RUNX3: variants seen among roughly 807,000 people sequenced by gnomAD.
RUNX3 encodes RUNX family transcription factor 3, also known as runt-related transcription factor 3.
Under a neutral mutation model 27.7 loss-of-function variants are expected in RUNX3, and 10 were observed. The ratio of observed to expected loss-of-function variants is 0.36; its 90% CI spans 0.22 to 0.61. The LOEUF is 0.61. Ranked by LOEUF, RUNX3 falls within the 20% of genes least tolerant of loss-of-function variation. The probability of loss-of-function intolerance (pLI) is 0.72; values close to 1 mark genes in which losing one functional copy is unlikely to be tolerated. For missense variants in RUNX3, 469 were observed against 629.5 expected (o/e 0.75, Z 2.73); for synonymous variants, 270 against 269.2 (o/e 1.00, Z -0.03).
At chr1:24,938,195 A>G (rs1302281813) in intron 2 of RUNX3, among the ~76,000 whole-genome samples, 1 of 152,190 alleles carries the variant, frequency 6.6e-6, no homozygotes, top group Non-Finnish European at 1.5e-5. Context: ...TTGCTGGGTA[A>G]CCTTGAGCAA....
Position 24,929,809 on chromosome 1 carries a change from G to A in RUNX3, c.60C>T (p.Phe20=). The change falls in exon 1 of 5, where the codon TTC becomes TTT. Residue 20 remains phenylalanine, a synonymous_variant. Coordinates refer to ENST00000308873, the MANE Select transcript of RUNX3 (RefSeq NM_004350.3). ...SRRFTPPSPA[F]PCGGGGGKMG... ...TCTTGCCGCCGCCGCCGCCGCAGGG[G>A]AAGGCCGGGGAGGGAGGTGTGAAGC... The A allele has an allele frequency of 3.5e-6, 5 of 1,416,456 alleles. 1 individual carries two copies. In the South Asian group the frequency reaches 4.5e-5, roughly 13 times the overall value. 87.7% of individuals were successfully genotyped at this position (1,416,456 alleles called of 1,614,324 possible).
Position 24,919,253 on chromosome 1 carries a change from G to T in RUNX3, c.531C>A (p.Pro177=). The T allele has an allele frequency of 6.3e-7, 1 of 1,596,606 alleles. No individual in the cohort carries two copies. Among genetic ancestry groups the T allele is most frequent in the South Asian group, 1.1e-5 (1 of 90,088 alleles). Residue 177 remains proline, a synonymous_variant, in exon 3 of 5, where the codon CCC becomes CCA. Transcript: ENST00000308873. ...GGTGGCACTTACGTCTGGGCTCCCG[G>T]GGTCCGTCCACGGTCACCTTGATGG... ...HRAIKVTVDG[P]REPRRHRQKL...
intron 2 of RUNX3, among the ~76,000 whole-genome samples, chr1:24,964,325 C>T (rs1642197771): frequency 6.6e-6 from 1 of 152,210 alleles, no homozygotes; most frequent in East Asian, 1.9e-4. Flanking sequence ...ATGAAAGTGC[C>T]ACAGCGATGT....
chr1:24,930,792 C>T (rs1284047338), upstream of RUNX3, among the ~76,000 whole-genome samples: 1 of 152,232 alleles, frequency 6.6e-6, no homozygotes. The surrounding 1 kb of genome is among the most constrained non-coding windows in gnomAD (Gnocchi z 4.1). Flanking sequence ...GACCCAAGAG[C>T]CTCCACCCCA....
rs1642139412 is a variant in RUNX3 at position 24,962,425 on chromosome 1, G to T, written c.58+2089C>A. Among the ~76,000 whole-genome samples, 1 of 152,222 alleles carries T rather than the reference G, an allele frequency of 6.6e-6. No homozygotes were observed. The highest frequency in any genetic ancestry group is 1.5e-5 in the Non-Finnish European group (1 of 68,038). On this transcript the variant is annotated intron_variant, in intron 2 of 6. Transcript: ENST00000338888. The surrounding 1 kb of genome is among the most constrained non-coding windows in gnomAD (Gnocchi z 4.5). Reference sequence around the variant, plus strand: ...TTAGGGACCCTGTAGGGGGCAGCGTGGGGTTGGCACCCTGCAAATGGGACC... The same window carrying T: ...TTAGGGACCCTGTAGGGGGCAGCGTTGGGTTGGCACCCTGCAAATGGGACC...
chr1:24,947,227 G>A (rs577969138), intron 2 of RUNX3, among the ~76,000 whole-genome samples: 12 of 152,164 alleles, frequency 7.9e-5, no homozygotes, highest in Admixed American at 1.3e-4. Flanking sequence ...CCAGTAGTCC[G>A]GCTGCCTGCT....
At chr1:24,931,576 G>T (rs1641229761), upstream of RUNX3, among the ~76,000 whole-genome samples, 1 of 152,220 alleles carries the variant, frequency 6.6e-6, no homozygotes, top group Non-Finnish European at 1.5e-5. Context: ...CTAGATTTTC[G>T]TTGCCTCCGG....
At chr1:24,959,381 G>T (rs964660632) in intron 2 of RUNX3, among the ~76,000 whole-genome samples, 2 of 152,194 alleles carry the variant, frequency 1.3e-5, no homozygotes, top group Non-Finnish European at 2.9e-5. Context: ...GGTGGTCTGG[G>T]GAGACGGGTG....
intron 2 of RUNX3, among the ~76,000 whole-genome samples, chr1:24,941,703 G>A (rs1415401123): frequency 6.6e-6 from 1 of 152,186 alleles, no homozygotes; most frequent in East Asian, 1.9e-4. Flanking sequence ...CAGCAGGGGG[G>A]TTGGCTGGGG....
chr1:24,959,571 G>A (rs976464659), intron 2 of RUNX3, among the ~76,000 whole-genome samples: 1 of 152,178 alleles, frequency 6.6e-6, no homozygotes, highest in African/African-American at 2.4e-5. Context: ...GGTTGCCTGG[G>A]ATGAAGGGGT....
chr1:24,932,076 G>A (rs1641242434), upstream of RUNX3, among the ~76,000 whole-genome samples: 1 of 152,242 alleles, frequency 6.6e-6, no homozygotes, highest in Admixed American at 6.5e-5. Flanking sequence ...CGAGCAGGTT[G>A]CGGGACCATG....
upstream of RUNX3, among the ~76,000 whole-genome samples, chr1:24,935,140 C>T (rs1374574696): frequency 3.9e-5 from 6 of 152,198 alleles, no homozygotes; most frequent in African/African-American, 1.4e-4. Context: ...CGAGGCAAAA[C>T]GCAGTTGGAC....
At chr1:24,939,625 C>T (rs1041833589) in intron 2 of RUNX3, among the ~76,000 whole-genome samples, 1 of 152,310 alleles carries the variant, frequency 6.6e-6, no homozygotes, top group Middle Eastern at 3.4e-3. Context: ...TGGGAGGAGT[C>T]GAACCCTGGC....
chr1:24,913,456 C>A (rs762076743), intron 3 of RUNX3, among the ~76,000 whole-genome samples: 1 of 152,268 alleles, frequency 6.6e-6, no homozygotes, highest in Non-Finnish European at 1.5e-5. Context: ...ACACCTCTAA[C>A]CCCCGAGGGT....
At chr1:24,942,484 C>T (rs1355496209) in intron 2 of RUNX3, among the ~76,000 whole-genome samples, 1 of 152,012 alleles carries the variant, frequency 6.6e-6, no homozygotes, top group Non-Finnish European at 1.5e-5. Context: ...GAGAGAGGGG[C>T]TCTTGGCAAT....
chr1:24,916,552 C>T lies in RUNX3; in HGVS notation c.544+2688G>A, dbSNP rs1025623149. Among the ~76,000 whole-genome samples, 10 of 152,258 alleles carry T rather than the reference C, an allele frequency of 6.6e-5. No individual in the cohort carries two copies. Among genetic ancestry groups the T allele is most frequent in the Admixed American group, 1.3e-4 (2 of 15,292 alleles). ...AGGGGGTTGCTCAGTGACCAGGAGCCGCTGAGCTGGTCCCTTCACTCTTAC... is the reference window on the plus strand; with the variant it reads ...AGGGGGTTGCTCAGTGACCAGGAGCTGCTGAGCTGGTCCCTTCACTCTTAC... On this transcript the variant is annotated intron_variant, in intron 3 of 4. Coordinates refer to ENST00000308873, the MANE Select transcript of RUNX3 (RefSeq NM_004350.3). This position sits in a 1 kb window ranked among gnomAD's most constrained non-coding sequence, Gnocchi z 4.8.
At chr1:24,918,414 C>G (rs1000100250) in intron 3 of RUNX3, among the ~76,000 whole-genome samples, 1 of 152,218 alleles carries the variant, frequency 6.6e-6, no homozygotes, top group Non-Finnish European at 1.5e-5. Context: ...CTGCTGTCAT[C>G]AAGATCCCAT....
intron 1 of RUNX3, among the ~76,000 whole-genome samples, chr1:24,928,039 T>C (rs1374233310): frequency 6.6e-6 from 1 of 152,250 alleles, no homozygotes; most frequent in Non-Finnish European, 1.5e-5. Context: ...TCAGTCACTA[T>C]GATGTGGGGT....
chr1:24,959,082 G>A (rs1053110013), intron 2 of RUNX3, among the ~76,000 whole-genome samples: 3 of 152,208 alleles, frequency 2.0e-5, no homozygotes, highest in Non-Finnish European at 4.4e-5. Context: ...CTCACAGCCC[G>A]CTGGAAGGTC....
Sources: allele counts gnomAD v4.1 joint callset (sites outside exome capture counted in the v4.1 genomes callset), GRCh38; gene constraint gnomAD v4.1.1; non-coding constraint Gnocchi (gnomAD v3.1); transcripts MANE v1.5; gene names NCBI Gene and HGNC (gene_info 2026-07-23, HGNC 2026-07-21).